Variants in PPP6R2 observed in about 807,000 individuals in gnomAD.
PPP6R2 encodes protein phosphatase 6 regulatory subunit 2, also known as serine/threonine-protein phosphatase 6 regulatory subunit 2.
PPP6R2 carries 62 observed loss-of-function variants against 100.2 expected under a neutral mutation model. The ratio of observed to expected loss-of-function variants is 0.62; its 90% CI spans 0.50 to 0.76. The LOEUF is 0.76. Ranked by LOEUF, PPP6R2 falls within the 30% of genes least tolerant of loss-of-function variation. PPP6R2 has a pLI of 0.00. For synonymous variants in PPP6R2, 525 were observed against 514.7 expected, an observed-to-expected ratio of 1.02 and a Z score of -0.27; for missense variants, 1,142 against 1,276.3, an observed-to-expected ratio of 0.89 and a Z score of 1.60.
the PPP6R2 span, among the ~76,000 whole-genome samples, chr22:50,338,000 TG>T: frequency 3.7e-4 from 51 of 138,844 alleles, no homozygotes; most frequent in African/African-American, 1.3e-3. Context: ...GTATGTTGTG[TG>T]GGTATAGTGT....
chr22:50,408,843 G>A (rs939377365), intron 4 of PPP6R2, among the ~76,000 whole-genome samples: 13 of 152,186 alleles, frequency 8.5e-5, no homozygotes, highest in Admixed American at 4.6e-4. Context: ...GGCTGGGTGC[G>A]GTGGCTCACG....
chr22:50,437,483 C>CCACCCA, intron 15 of PPP6R2, 23 bp from the exon 16 acceptor site: 2 of 734,966 alleles, frequency 2.7e-6, no homozygotes, highest in Non-Finnish European at 5.0e-6. Context: ...CTGTCCGTCC[C>CCACCCA]TCCCTCCCTC....
rs2064281954 is a variant in PPP6R2 at position 50,436,434 on chromosome 22, C to T, written c.1584C>T (p.Arg528=). Residue 528 remains arginine (R), a synonymous_variant, in exon 14 of 24, where the codon CGC becomes CGT. Transcript: ENST00000612753. ...AGGAGACGCTGACGGAGACGAACCGCAGGAACACTGTGGACCTGGTGAGGA... is the reference window on the plus strand; with the variant it reads ...AGGAGACGCTGACGGAGACGAACCGTAGGAACACTGTGGACCTGGTGAGGA... ...FVEETLTETN[R]RNTVDLVSTH... is the part of the protein sequence containing the mutation. 3 of 1,592,754 alleles carry T rather than the reference C, an allele frequency of 1.9e-6. No individual in the cohort carries two copies. Among genetic ancestry groups the T allele is most frequent in the Non-Finnish European group, 2.6e-6 (3 of 1,171,112 alleles).
At chr22:50,370,434 CCT>C (rs2049825641) in intron 1 of PPP6R2, among the ~76,000 whole-genome samples, 2 of 151,352 alleles carry the variant, frequency 1.3e-5, no homozygotes, top group South Asian at 4.2e-4. Flanking sequence ...ATTACAGGCG[CCT>C]GCCACCACGC....
intron 4 of PPP6R2, among the ~76,000 whole-genome samples, chr22:50,408,062 T>A (rs2059222349): frequency 6.6e-6 from 1 of 152,076 alleles, no homozygotes; most frequent in Non-Finnish European, 1.5e-5. Context: ...TTTTAAAATA[T>A]TTTTTGTAGA....
chr22:50,338,669 GGT>G (rs1353031236), upstream of PPP6R2, among the ~76,000 whole-genome samples: 3 of 139,608 alleles, frequency 2.1e-5, no homozygotes, highest in Admixed American at 7.2e-5. Context: ...TGTGGTATGT[GGT>G]GTGTGTGTAG....
upstream of PPP6R2, chr22:50,343,323 C>T (rs557065206): frequency 3.9e-4 from 59 of 150,426 alleles, no homozygotes; most frequent in East Asian, 5.3e-3. Context: ...GCCCGTGCGC[C>T]GCCGCCGCCA....
intron 3 of PPP6R2, among the ~76,000 whole-genome samples, chr22:50,401,921 A>G (rs958120858): frequency 2.0e-5 from 3 of 152,216 alleles, no homozygotes; most frequent in Admixed American, 2.0e-4. Flanking sequence ...GGCGTGAGCC[A>G]CCACGCCTGG....
chr22:50,394,169 A>AG, intron 3 of PPP6R2, 34 bp downstream of exon 3: 1 of 1,606,528 alleles, frequency 6.2e-7, no homozygotes, highest in Non-Finnish European at 8.5e-7. Context: ...CCAGTACGCC[A>AG]GGCAGTGCTG....
chr22:50,392,313 G>A (rs1321858666), intron 2 of PPP6R2, among the ~76,000 whole-genome samples: 1 of 148,112 alleles, frequency 6.8e-6, no homozygotes, highest in Non-Finnish European at 1.5e-5. Flanking sequence ...GCCAACCTGG[G>A]CAACATAGTG....
the PPP6R2 span, among the ~76,000 whole-genome samples, chr22:50,337,442 G>A: frequency 4.4e-5 from 6 of 137,452 alleles, no homozygotes; most frequent in Non-Finnish European, 7.8e-5. Context: ...TGTGCGGTAC[G>A]TGTGTGGTGT....
At chr22:50,370,574 A>T (rs556268405) in intron 1 of PPP6R2, among the ~76,000 whole-genome samples, 3 of 152,136 alleles carry the variant, frequency 2.0e-5, no homozygotes, top group South Asian at 2.1e-4. Flanking sequence ...GGCGTGAGCC[A>T]CCACGCCTGG....
chr22:50,400,201 A>G (rs1439339817), intron 3 of PPP6R2, among the ~76,000 whole-genome samples: 1 of 152,176 alleles, frequency 6.6e-6, no homozygotes, highest in East Asian at 1.9e-4. Flanking sequence ...CGTCTCCACC[A>G]AGGGAAACAC....
At chr22:50,336,458 C>T in the PPP6R2 span, among the ~76,000 whole-genome samples, 2 of 151,982 alleles carry the variant, frequency 1.3e-5, no homozygotes, top group Non-Finnish European at 2.9e-5. Context: ...CTCACTGCAC[C>T]CTCCACTCGC....
chr22:50,352,085 G>A (rs919480949), intron 1 of PPP6R2, among the ~76,000 whole-genome samples: 2 of 151,848 alleles, frequency 1.3e-5, no homozygotes, highest in African/African-American at 4.8e-5. Context: ...GTGAGCCACC[G>A]CACCCGGCCA....
rs975594126 is a variant in PPP6R2, at chr22:50,429,320, C to T, written c.1126-1853C>T. 3.9e-5 allele frequency among the ~76,000 whole-genome samples: 6 copies of T among 152,162 alleles called. No homozygotes were observed. In the South Asian group the frequency reaches 6.2e-4, roughly 16 times the overall value. On this transcript the variant is annotated intron_variant, in intron 10 of 23. Coordinates refer to ENST00000612753, the MANE Select transcript of PPP6R2 (RefSeq NM_001242898.2). ...TGTTGGGATTACAGGCATGAGCCACCGCACCTGGCCGTATGTGGAATTTTA... is the reference window on the plus strand; with the variant it reads ...TGTTGGGATTACAGGCATGAGCCACTGCACCTGGCCGTATGTGGAATTTTA...
intron 1 of PPP6R2, among the ~76,000 whole-genome samples, chr22:50,357,495 CTCTCTCTCTT>C: frequency 6.6e-6 from 1 of 151,444 alleles, no homozygotes; most frequent in South Asian, 2.1e-4. Flanking sequence ...CCCTGTCTCT[CTCTCTCTCTT>C]TCTTTTTTGA....
At chr22:50,370,584 G>C (rs1232434722) in intron 1 of PPP6R2, among the ~76,000 whole-genome samples, 1 of 151,894 alleles carries the variant, frequency 6.6e-6, no homozygotes, top group South Asian at 2.1e-4. Flanking sequence ...ACCACGCCTG[G>C]CCACGCTATG....
intron 1 of PPP6R2, among the ~76,000 whole-genome samples, chr22:50,353,873 T>A (rs1361640928): frequency 6.7e-6 from 1 of 150,068 alleles, no homozygotes; most frequent in South Asian, 2.1e-4. Context: ...TTTTAAAAAA[T>A]TTTAATAGAT....
Sources: gnomAD v4.1 joint callset for allele counts (sites outside exome capture counted in the v4.1 genomes callset) on GRCh38, gnomAD v4.1.1 for gene constraint, MANE v1.5 for transcripts, NCBI Gene and HGNC (gene_info 2026-07-23, HGNC 2026-07-21) for gene names.